GSE1: variants seen among roughly 807,000 people sequenced by gnomAD.
GSE1 encodes genetic suppressor element 1.
Under a neutral mutation model 112.6 loss-of-function variants are expected in GSE1, and 32 were observed. The ratio of observed to expected loss-of-function variants is 0.28; its 90% CI spans 0.21 to 0.38. The LOEUF is 0.38. GSE1 is among the 10% of genes least tolerant of loss of function. The pLI, the probability that GSE1 is intolerant of heterozygous loss-of-function variation, is 1.00. For missense variants in GSE1, 2,348 were observed against 1,699.2 expected (o/e 1.38, Z -6.71); for synonymous variants, 1,115 against 735.6 (o/e 1.52, Z -8.35).
chr16:85,480,014 A>G (rs1164361800), intron 2 of GSE1, among the ~76,000 whole-genome samples: 1 of 152,244 alleles, frequency 6.6e-6, no homozygotes, highest in Non-Finnish European at 1.5e-5. Context: ...GCCATGATGC[A>G]CGACGGGTGA....
At position 85,498,067 on chromosome 16, in the gene GSE1, C is replaced by T. The variant is rs552804186; in HGVS notation, c.2465-135847C>T. On this transcript the variant is annotated intron_variant, in intron 2 of 2. Transcript: ENST00000637419. ...AGTGGGGTGGGGGTGGGGTGGGTGC[C>T]TGGATCTGGCCCCAGAGGGGTGTGT... 2.9e-3 allele frequency among the ~76,000 whole-genome samples: 441 copies of T among 152,200 alleles called. 3 individuals are homozygous for T. The highest frequency in any genetic ancestry group is 0.01 in the African/African-American group (421 of 41,516).
chr16:85,670,764 C>T, intron 14 of GSE1: 1 of 327,160 alleles, frequency 3.1e-6, no homozygotes. Flanking sequence ...GCCTTTAGGT[C>T]CTGGATCCTT....
In GSE1 at chr16:85,311,997, C is replaced by A. The variant is rs982064841; in HGVS notation, c.2284-45466C>A. Among the ~76,000 whole-genome samples the A allele has an allele frequency of 6.6e-6, 1 of 152,228 alleles. No homozygotes were observed. The highest frequency in any genetic ancestry group is 2.4e-5 in the African/African-American group (1 of 41,458). ...GAGATGTGGGCGGTGTCCGTGCACA[C>A]TGCTGGAGCAGCTGGGCCAGCTCGA... On this transcript the variant is annotated intron_variant, in intron 1 of 2. Transcript: ENST00000637419. The surrounding 1 kb of genome is among the most constrained non-coding windows in gnomAD (Gnocchi z 4.2).
chr16:85,640,735 A>T (rs952619388), intron 2 of GSE1, among the ~76,000 whole-genome samples: 23 of 152,370 alleles, frequency 1.5e-4, no homozygotes, highest in African/African-American at 4.3e-4. Flanking sequence ...CTCTCAAAGA[A>T]AACAGCAAAA....
chr16:85,368,054 A>T (rs1254231473), intron 2 of GSE1, among the ~76,000 whole-genome samples: 1 of 151,996 alleles, frequency 6.6e-6, no homozygotes. Context: ...GGGTTACTCC[A>T]TGTTGGTCGG....
At chr16:85,661,081 A>G in intron 8 of GSE1, 65 bp from the exon 9 acceptor site, 2 of 1,462,438 alleles carry the variant, frequency 1.4e-6, no homozygotes, top group South Asian at 1.3e-5. Context: ...GCAGGCAGCC[A>G]GGGAAGCCTG....
intron 2 of GSE1, among the ~76,000 whole-genome samples, chr16:85,645,320 C>A (rs1408618323): frequency 2.0e-5 from 3 of 151,964 alleles, no homozygotes; most frequent in African/African-American, 7.3e-5. Flanking sequence ...TCGGGGGTTG[C>A]TGGGGAGAAT....
At chr16:85,504,451 C>T (rs930176476) in intron 2 of GSE1, among the ~76,000 whole-genome samples, 1 of 152,192 alleles carries the variant, frequency 6.6e-6, no homozygotes, top group African/African-American at 2.4e-5. Flanking sequence ...CAGGGGCACA[C>T]ACGTGTGTGT....
chr16:85,192,313 T>G (rs1027158188), intron 1 of GSE1, among the ~76,000 whole-genome samples: 1 of 152,398 alleles, frequency 6.6e-6, no homozygotes, highest in Non-Finnish European at 1.5e-5. Flanking sequence ...GGTCTGTTAC[T>G]TAACCTTTCT....
At chr16:85,471,816 TC>T (rs1273505521) in intron 2 of GSE1, among the ~76,000 whole-genome samples, 1 of 152,176 alleles carries the variant, frequency 6.6e-6, no homozygotes, top group Non-Finnish European at 1.5e-5. Context: ...GCCCCAATGA[TC>T]TTCCCGCCTC....
At chr16:85,561,304 A>C (rs578257294) in intron 1 of GSE1, among the ~76,000 whole-genome samples, 1 of 152,234 alleles carries the variant, frequency 6.6e-6, no homozygotes, top group African/African-American at 2.4e-5. Flanking sequence ...ATGTGCGCTA[A>C]ATGGTGGAGC....
chr16:85,587,173 C>T (rs572573198), intron 1 of GSE1, among the ~76,000 whole-genome samples: 4 of 150,154 alleles, frequency 2.7e-5, no homozygotes, highest in Non-Finnish European at 4.5e-5. Context: ...ACGAAACCCC[C>T]CCCCCCCCAG....
At chr16:85,462,250 C>G (rs1007473735) in intron 2 of GSE1, among the ~76,000 whole-genome samples, 2 of 152,088 alleles carry the variant, frequency 1.3e-5, no homozygotes, top group African/African-American at 4.8e-5. Context: ...AGCCCTAGGT[C>G]AGGGAGCTCA....
At chr16:85,516,875 G>A (rs565376712) in intron 2 of GSE1, among the ~76,000 whole-genome samples, 3 of 147,096 alleles carry the variant, frequency 2.0e-5, no homozygotes, top group East Asian at 2.0e-4. Flanking sequence ...TCCACTTACT[G>A]CAAGCTCCGC....
At chr16:85,422,306 G>T (rs909727498) in intron 2 of GSE1, among the ~76,000 whole-genome samples, 2 of 152,094 alleles carry the variant, frequency 1.3e-5, no homozygotes, top group Non-Finnish European at 2.9e-5. Context: ...GATCCTCCCC[G>T]CACAGGCGAG....
intron 1 of GSE1, among the ~76,000 whole-genome samples, chr16:85,198,076 G>A (rs1236107905): frequency 6.6e-6 from 1 of 152,146 alleles, no homozygotes; most frequent in East Asian, 1.9e-4. Context: ...GGACGTGCAG[G>A]TGTGGCCCTC....
At chr16:85,489,710 A>T (rs7192703) in intron 2 of GSE1, 81,354 of 152,102 alleles carry the variant, frequency 0.53, 22,359 homozygotes, top group African/African-American at 0.56. Context: ...GGGTGAATAT[A>T]GCGTCCCCTC....
chr16:85,672,156 G>A (rs1302450024), intron 15 of GSE1: 4 of 483,546 alleles, frequency 8.3e-6, no homozygotes, highest in Non-Finnish European at 1.2e-5. Context: ...ACGACACCAT[G>A]CCTGGCTAAT....
chr16:85,458,582 C>T (rs2049895144), intron 2 of GSE1, among the ~76,000 whole-genome samples: 1 of 152,204 alleles, frequency 6.6e-6, no homozygotes, highest in Non-Finnish European at 1.5e-5. Flanking sequence ...CTGTTGATGC[C>T]CTACTGGCCA....
Sources: gnomAD v4.1 joint callset for allele counts (sites outside exome capture counted in the v4.1 genomes callset) on GRCh38, gnomAD v4.1.1 for gene constraint, Gnocchi (gnomAD v3.1) non-coding constraint, MANE v1.5 for transcripts, NCBI Gene and HGNC (gene_info 2026-07-23, HGNC 2026-07-21) for gene names.